RGS18: variants seen among roughly 807,000 people sequenced by gnomAD.
The protein encoded by RGS18 is regulator of G-protein signaling 18.
In RGS18, 22 loss-of-function variants were observed where a neutral mutation model predicts 27.6. That is an observed-to-expected ratio of 0.80 (90% confidence interval 0.57 to 1.14). The LOEUF (loss-of-function observed/expected upper bound fraction) is 1.14. Ranked by LOEUF, RGS18 falls within the 50% of genes most tolerant of loss-of-function variation. The pLI, the probability that RGS18 is intolerant of heterozygous loss-of-function variation, is 0.00. For synonymous variants in RGS18, 89 were observed against 84.6 expected (o/e 1.05, Z -0.29); for missense variants, 299 against 269.6 (o/e 1.11, Z -0.76).
rs781372452 is a variant in RGS18 at position 192,181,478 on chromosome 1, A to G, written c.450+20A>G. On this transcript the variant is annotated intron_variant, in intron 4 of 4. Transcript: ENST00000367460. ...AAAGAGGTACAGTAAAGATAACTGTAAAAATGCATAATTGCTTTCAAAATT... is the reference window on the plus strand; with the variant it reads ...AAAGAGGTACAGTAAAGATAACTGTGAAAATGCATAATTGCTTTCAAAATT... 2.1e-6 allele frequency: 3 copies of G among 1,462,644 alleles called. No individual in the cohort carries two copies. The South Asian group carries it at 4.5e-5, about 22-fold the overall frequency. 90.6% of individuals were successfully genotyped at this position (1,462,644 alleles called of 1,614,324 possible).
intron 3 of RGS18, among the ~76,000 whole-genome samples, chr1:192,163,844 AGT>A: frequency 6.7e-6 from 1 of 148,732 alleles, no homozygotes. Flanking sequence ...CTAGTAGAAA[AGT>A]GTGTGTGTGA....
chr1:192,160,027 GT>G (rs1228400587), intron 2 of RGS18, among the ~76,000 whole-genome samples: 2 of 151,642 alleles, frequency 1.3e-5, no homozygotes, highest in East Asian at 1.9e-4. Context: ...TGTGAGTTTA[GT>G]TTTTTTCTAC....
intron 3 of RGS18, among the ~76,000 whole-genome samples, chr1:192,174,290 G>A (rs371254478): frequency 5.9e-5 from 9 of 151,622 alleles, no homozygotes; most frequent in Admixed American, 2.0e-4. Flanking sequence ...ACCCCTTGCC[G>A]GCAAAGGACA....
Position 192,184,564 on chromosome 1 carries a change from A to T in RGS18, c.*10A>T. On this transcript the variant is annotated 3_prime_UTR_variant, in exon 5 of 5. Transcript: ENST00000367460. Reference sequence around the variant, plus strand: ...TGCCATTTGGTTATAAAGAAAATTGATTTTGCTCATTTTTATGACAAACTT... The same window carrying T: ...TGCCATTTGGTTATAAAGAAAATTGTTTTTGCTCATTTTTATGACAAACTT... 6.2e-7 allele frequency: 1 copy of T among 1,607,256 alleles called. No individual in the cohort carries two copies. The highest frequency in any genetic ancestry group is 1.3e-5 in the African/African-American group (1 of 74,598).
intron 3 of RGS18, among the ~76,000 whole-genome samples, chr1:192,178,044 G>A (rs182321198): frequency 4.9e-4 from 74 of 151,460 alleles, no homozygotes; most frequent in African/African-American, 1.6e-3. Flanking sequence ...AGATAGTTCC[G>A]GTCTAAATAA....
intron 3 of RGS18, chr1:192,167,894 T>G (rs1002427534): frequency 1.3e-5 from 2 of 152,226 alleles, no homozygotes; most frequent in African/African-American, 4.8e-5. Flanking sequence ...ACTTCGGATA[T>G]TATATGGTAC....
intron 3 of RGS18, among the ~76,000 whole-genome samples, chr1:192,166,111 A>G (rs1656159399): frequency 6.6e-6 from 1 of 152,096 alleles, no homozygotes; most frequent in African/African-American, 2.4e-5. Context: ...ATATAGAGAT[A>G]TATTATACAC....
intron 3 of RGS18, chr1:192,161,623 C>A (rs1249364581): frequency 6.6e-6 from 1 of 152,100 alleles, no homozygotes; most frequent in Non-Finnish European, 1.5e-5. Flanking sequence ...AGTTTCTCAC[C>A]TTAGTCTTTG....
intron 3 of RGS18, among the ~76,000 whole-genome samples, chr1:192,178,081 A>G (rs1056823823): frequency 6.6e-6 from 1 of 151,678 alleles, no homozygotes; most frequent in East Asian, 1.9e-4. Context: ...CACAAAAATA[A>G]AAAGACAGAT....
rs959935416 is a variant in RGS18, at chr1:192,184,178, C to G, written c.451-119C>G. On this transcript the variant is annotated intron_variant, in intron 4 of 4. Coordinates refer to ENST00000367460, the MANE Select transcript of RGS18 (RefSeq NM_130782.3). ...TTTGGGCAGGCTACACACATCCAAA[C>G]TATATCTGCTTCTAAGCCCAAGATG... 1.4e-5 allele frequency: 12 copies of G among 868,580 alleles called. No homozygotes were observed. In the South Asian group the frequency reaches 2.1e-4, roughly 15 times the overall value. The allele number at this position is 868,580 out of a possible 1,614,324, so 53.8% of individuals were successfully genotyped here. A position where few individuals can be genotyped will look rare whatever the true frequency, so the allele number is the denominator to read the frequency against.
At chr1:192,179,131 C>A (rs980316234) in intron 3 of RGS18, among the ~76,000 whole-genome samples, 9 of 151,424 alleles carry the variant, frequency 5.9e-5, no homozygotes, top group Admixed American at 3.3e-4. Flanking sequence ...GGAGATATGC[C>A]ATCCTACAAT....
Position 192,181,188 on chromosome 1 carries a change from A to T in RGS18, c.284-104A>T. 4 of 613,618 alleles carry T rather than the reference A, an allele frequency of 6.5e-6. No individual in the cohort carries two copies. The South Asian group carries it at 1.0e-4, about 16-fold the overall frequency. 38.0% of individuals were successfully genotyped at this position (613,618 alleles called of 1,614,324 possible). On this transcript the variant is annotated intron_variant, in intron 3 of 4. Coordinates refer to ENST00000367460, the MANE Select transcript of RGS18 (RefSeq NM_130782.3). ...GCTGCGGTGCTGCATTAGAGGGAAG[A>T]TGTAGGTTTTCTGTTAATATTTGCA...
intron 3 of RGS18, chr1:192,167,986 G>A (rs1377852490): frequency 6.6e-6 from 1 of 152,152 alleles, no homozygotes; most frequent in Non-Finnish European, 1.5e-5. Flanking sequence ...ACAGATGCCA[G>A]AGTTTCAATT....
intron 4 of RGS18, among the ~76,000 whole-genome samples, chr1:192,181,842 C>T (rs966644250): frequency 6.6e-6 from 1 of 151,530 alleles, no homozygotes; most frequent in Non-Finnish European, 1.5e-5. Flanking sequence ...CTTTCTCCAT[C>T]CTCCCATCCT....
chr1:192,164,038 A>T (rs1447863648), intron 3 of RGS18, among the ~76,000 whole-genome samples: 2 of 152,108 alleles, frequency 1.3e-5, no homozygotes, highest in African/African-American at 4.8e-5. Context: ...AAATTTACTC[A>T]GTTTATTCAA....
chr1:192,184,258 C>T (rs1340538880), intron 4 of RGS18, 39 bp from the exon 5 acceptor site: 1 of 1,571,738 alleles, frequency 6.4e-7, no homozygotes, highest in East Asian at 2.3e-5. Context: ...TTTATATAAG[C>T]ATATTAACTA....
intron 3 of RGS18, among the ~76,000 whole-genome samples, chr1:192,165,757 A>C (rs1273646848): frequency 6.6e-6 from 1 of 152,202 alleles, no homozygotes; most frequent in Non-Finnish European, 1.5e-5. Context: ...TTACATAGTA[A>C]ATTTTAACAC....
chr1:192,172,884 A>ATATATATAAAT (rs758940898), intron 3 of RGS18, among the ~76,000 whole-genome samples: 20 of 97,482 alleles, frequency 2.1e-4, no homozygotes, highest in East Asian at 5.5e-4. Flanking sequence ...TATATATATA[A>ATATATATAAAT]ATATATATAT....
At chr1:192,176,854 C>G (rs1219522442) in intron 3 of RGS18, among the ~76,000 whole-genome samples, 4 of 151,770 alleles carry the variant, frequency 2.6e-5, no homozygotes, top group Non-Finnish European at 4.4e-5. Context: ...CAACAGAGAG[C>G]AGTGTACCTC....
Sources: gnomAD v4.1 joint callset for allele counts (sites outside exome capture counted in the v4.1 genomes callset) on GRCh38, gnomAD v4.1.1 for gene constraint, MANE v1.5 for transcripts, NCBI Gene and HGNC (gene_info 2026-07-23, HGNC 2026-07-21) for gene names.